DCAF12: variants seen among roughly 807,000 people sequenced by gnomAD.
DCAF12 encodes DDB1- and CUL4-associated factor 12.
DCAF12 carries 28 observed loss-of-function variants against 52.8 expected under a neutral mutation model. The ratio of observed to expected loss-of-function variants is 0.53; its 90% CI spans 0.39 to 0.73. The LOEUF (loss-of-function observed/expected upper bound fraction) is 0.73, where lower values mean the gene tolerates loss of function less well. Ranked by LOEUF, DCAF12 falls within the 30% of genes least tolerant of loss-of-function variation. The pLI is 0.00. For missense variants in DCAF12, 425 were observed against 552.2 expected, an observed-to-expected ratio of 0.77 and a Z score of 2.31; for synonymous variants, 196 against 215.5, an observed-to-expected ratio of 0.91 and a Z score of 0.79.
chr9:34,099,170 C>T (rs552521968), intron 4 of DCAF12, among the ~76,000 whole-genome samples: 149 of 152,102 alleles, frequency 9.8e-4, no homozygotes, highest in African/African-American at 3.5e-3. Flanking sequence ...TGGGTTCTAG[C>T]GATTCTCCTG....
At chr9:34,118,348 G>A (rs1019267152) in intron 2 of DCAF12, among the ~76,000 whole-genome samples, 4 of 152,078 alleles carry the variant, frequency 2.6e-5, no homozygotes, top group African/African-American at 7.2e-5. Flanking sequence ...TGGCCGGGCT[G>A]GTCTCGAACT....
chr9:34,097,061 C>T (rs982828710), intron 5 of DCAF12, among the ~76,000 whole-genome samples: 3 of 151,976 alleles, frequency 2.0e-5, no homozygotes, highest in African/African-American at 2.4e-5. Context: ...AAGCAGGGCA[C>T]ATATGTGAAG....
intron 2 of DCAF12, among the ~76,000 whole-genome samples, chr9:34,122,930 C>T (rs1210547568): frequency 2.6e-5 from 4 of 152,202 alleles, no homozygotes; most frequent in African/African-American, 7.2e-5. Context: ...TGTCTGGCTC[C>T]GCAGCCAATC....
At chr9:34,098,000 G>C (rs1034617240) in intron 5 of DCAF12, among the ~76,000 whole-genome samples, 18 of 151,460 alleles carry the variant, frequency 1.2e-4, no homozygotes, top group Admixed American at 5.9e-4. Flanking sequence ...TCAGAAGCAA[G>C]TATGAAAATC....
rs1321494145 is a variant in DCAF12, at chr9:34,126,453, C to T, written c.-22G>A. The T allele has an allele frequency of 6.3e-7, 1 of 1,599,702 alleles. No homozygotes were observed. The highest frequency in any genetic ancestry group is 1.3e-5 in the African/African-American group (1 of 74,892). On this transcript the variant is annotated 5_prime_UTR_variant, in exon 1 of 9. Transcript: ENST00000361264. ...CCATAGTGGGCAGCGCCGCCGCGGCCCCGCAGCCACATGGGGCGGGGGAAG... is the reference window on the plus strand; with the variant it reads ...CCATAGTGGGCAGCGCCGCCGCGGCTCCGCAGCCACATGGGGCGGGGGAAG...
At chr9:34,120,682 AAAAAAG>A (rs1829160129) in intron 2 of DCAF12, among the ~76,000 whole-genome samples, 1 of 151,470 alleles carries the variant, frequency 6.6e-6, no homozygotes. Context: ...AAAAAAAAAA[AAAAAAG>A]AAAACAAAGC....
At chr9:34,125,433 C>T in intron 1 of DCAF12, 156 bp from the exon 2 acceptor site, 1 of 870,214 alleles carries the variant, frequency 1.1e-6, no homozygotes, top group South Asian at 1.7e-5. Flanking sequence ...TCCAGAAAGT[C>T]GTTTAACTCT....
At position 34,089,683 on chromosome 9, in the gene DCAF12, G is replaced by T. The variant is rs112100935; in HGVS notation, c.1025-93C>A. ...ATTTCTCCAACACTGAGTTTTCAAC[G>T]TCCACCCTGCTCCCCTCCACCCGCC... On this transcript the variant is annotated intron_variant, in intron 7 of 8. Transcript: ENST00000361264. The T allele has an allele frequency of 4.2e-5, 53 of 1,275,268 alleles. No individual in the cohort carries two copies. The Admixed American group carries it at 4.6e-4, about 11-fold the overall frequency. The allele number at this position is 1,275,268 out of a possible 1,614,324, so 79.0% of individuals were successfully genotyped here. A position where few individuals can be genotyped will look rare whatever the true frequency, so the allele number is the denominator to read the frequency against.
At chr9:34,094,570 G>A (rs1483852287) in intron 6 of DCAF12, among the ~76,000 whole-genome samples, 3 of 141,040 alleles carry the variant, frequency 2.1e-5, no homozygotes, top group African/African-American at 8.0e-5. Flanking sequence ...TCGCACTGTC[G>A]CCCAGGCTGG....
At chr9:34,112,463 G>A (rs527494712) in intron 2 of DCAF12, among the ~76,000 whole-genome samples, 72 of 151,558 alleles carry the variant, frequency 4.8e-4, no homozygotes, top group African/African-American at 1.6e-3. Flanking sequence ...GTGTGGTGGC[G>A]TGAGTCTGTA....
At chr9:34,091,470 CTACAAAAA>C (rs1416616794) in intron 7 of DCAF12, among the ~76,000 whole-genome samples, 1 of 151,762 alleles carries the variant, frequency 6.6e-6, no homozygotes, top group East Asian at 1.9e-4. Context: ...GAACCTGTCT[CTACAAAAA>C]TACAAAAATT....
chr9:34,109,748 C>T, intron 2 of DCAF12: 1 of 283,532 alleles, frequency 3.5e-6, no homozygotes, highest in South Asian at 4.1e-5. Context: ...GCCCTGGAAG[C>T]TCAGGCAGGT....
In DCAF12 at chr9:34,106,465, G is replaced by A. The variant is rs747327833; in HGVS notation, c.570C>T (p.Ile190=). 14 of 1,610,868 alleles carry A rather than the reference G, an allele frequency of 8.7e-6. No homozygotes were observed. Among genetic ancestry groups the A allele is most frequent in the African/African-American group, 2.7e-5 (2 of 74,894 alleles). Residue 190 remains isoleucine (I), a synonymous_variant, in exon 4 of 9, where the codon ATC becomes ATT. Transcript: ENST00000361264. ...CTGCCATAGTGTCGCTGATCCATGC[G>A]ATGGAAAAGATCCAGTCCTTGTGTC... is the stretch of plus-strand genomic sequence containing the variant. The part of the protein sequence containing the change: ...DDGHKDWIFS[I]AWISDTMAVS...
chr9:34,094,396 A>C (rs986837282), intron 6 of DCAF12, among the ~76,000 whole-genome samples: 1 of 151,686 alleles, frequency 6.6e-6, no homozygotes, highest in South Asian at 2.1e-4. Context: ...ACAAAGTGAG[A>C]CTCTGTCTCA....
At chr9:34,120,669 CAAAAA>C (rs71506167) in intron 2 of DCAF12, among the ~76,000 whole-genome samples, 1 of 117,140 alleles carries the variant, frequency 8.5e-6, no homozygotes. Context: ...GACGCGGTCT[CAAAAA>C]AAAAAAAAAA....
At chr9:34,111,371 G>A in intron 2 of DCAF12, among the ~76,000 whole-genome samples, 1 of 152,136 alleles carries the variant, frequency 6.6e-6, no homozygotes, top group East Asian at 1.9e-4. Flanking sequence ...TAAATGTCCA[G>A]GCTGATCAAG....
intron 4 of DCAF12, among the ~76,000 whole-genome samples, chr9:34,102,795 G>A (rs550065091): frequency 3.9e-4 from 60 of 152,214 alleles, no homozygotes; most frequent in African/African-American, 1.4e-3. Flanking sequence ...TATATTCCTG[G>A]CTGGGCGCAG....
intron 4 of DCAF12, among the ~76,000 whole-genome samples, chr9:34,099,007 C>T (rs551707248): frequency 1.3e-4 from 19 of 150,754 alleles, no homozygotes; most frequent in African/African-American, 2.9e-4. Context: ...TGAGTTCCAG[C>T]GATCAGCCTG....
chr9:34,089,668 C>T, intron 7 of DCAF12, 78 bp from the exon 8 acceptor site: 1 of 1,431,812 alleles, frequency 7.0e-7, no homozygotes, highest in South Asian at 1.4e-5. Flanking sequence ...ATTTCTCCAA[C>T]ACTGAGTTTT....
Sources: allele counts gnomAD v4.1 joint callset (sites outside exome capture counted in the v4.1 genomes callset), GRCh38; gene constraint gnomAD v4.1.1; transcripts MANE v1.5; gene names NCBI Gene and HGNC (gene_info 2026-07-23, HGNC 2026-07-21).